CSMD1: variants seen among roughly 807,000 people sequenced by gnomAD.
CSMD1 encodes CUB and Sushi multiple domains 1, also known as CUB and sushi domain-containing protein 1.
A neutral mutation model predicts 417.5 loss-of-function variants in CSMD1; 213 were observed. The ratio of observed to expected loss-of-function variants is 0.51; its 90% CI spans 0.46 to 0.57. The LOEUF is 0.57. CSMD1 is among the 20% of genes least tolerant of loss of function. The probability of loss-of-function intolerance (pLI) is 0.00; values close to 1 mark genes in which losing one functional copy is unlikely to be tolerated. For missense variants in CSMD1, 6,923 were observed against 4,529.7 expected (o/e 1.53, Z -15.17); for synonymous variants, 2,862 against 1,736.8 (o/e 1.65, Z -16.11).
At chr8:3,921,957 A>G (rs931293275) in intron 5 of CSMD1, among the ~76,000 whole-genome samples, 7 of 152,136 alleles carry the variant, frequency 4.6e-5, no homozygotes, top group African/African-American at 1.7e-4. Flanking sequence ...TGTCTGGATG[A>G]CATGTCTATT....
At chr8:4,751,052 C>G (rs1039539275) in intron 1 of CSMD1, among the ~76,000 whole-genome samples, 1 of 152,154 alleles carries the variant, frequency 6.6e-6, no homozygotes, top group African/African-American at 2.4e-5. Context: ...GGAGGTTCCT[C>G]ACACCAGGTA....
intron 27 of CSMD1, among the ~76,000 whole-genome samples, chr8:3,227,765 T>A (rs563228323): frequency 6.6e-6 from 1 of 151,694 alleles, no homozygotes; most frequent in Non-Finnish European, 1.5e-5. Context: ...ATTTTAAAAC[T>A]TTTTTCTTTT....
At chr8:3,728,458 T>C (rs1802625653) in intron 6 of CSMD1, among the ~76,000 whole-genome samples, 1 of 152,216 alleles carries the variant, frequency 6.6e-6, no homozygotes, top group Admixed American at 6.5e-5. Flanking sequence ...GTAAATTCTG[T>C]GTTAGGTTTA....
At chr8:3,969,890 G>C (rs1283753154) in intron 5 of CSMD1, among the ~76,000 whole-genome samples, 3 of 152,024 alleles carry the variant, frequency 2.0e-5, no homozygotes, top group Non-Finnish European at 2.9e-5. Context: ...CAAAGCTCTG[G>C]ATAATTTGCA....
At chr8:3,192,954 C>A (rs1406461610) in intron 33 of CSMD1, among the ~76,000 whole-genome samples, 1 of 151,956 alleles carries the variant, frequency 6.6e-6, no homozygotes, top group East Asian at 1.9e-4. Context: ...AAAAAGATAT[C>A]CCATAGAGGC....
At chr8:3,460,628 G>C (rs534827909) in intron 12 of CSMD1, among the ~76,000 whole-genome samples, 19 of 152,108 alleles carry the variant, frequency 1.2e-4, no homozygotes, top group African/African-American at 3.6e-4. Flanking sequence ...AGGAGGGATG[G>C]GATAGAAGGA....
intron 1 of CSMD1, among the ~76,000 whole-genome samples, chr8:4,825,360 C>T (rs1204567829): frequency 6.6e-6 from 1 of 152,028 alleles, no homozygotes; most frequent in African/African-American, 2.4e-5. Flanking sequence ...GAACACTGAC[C>T]TTGAGATTTA....
rs544613487 is a variant in CSMD1 at position 4,024,888 on chromosome 8, G to A, written c.610+7017C>T. Among the ~76,000 whole-genome samples, 6 of 152,242 alleles carry A rather than the reference G, an allele frequency of 3.9e-5. No individual in the cohort carries two copies. In the East Asian group the frequency reaches 1.2e-3, roughly 29 times the overall value. On this transcript the variant is annotated intron_variant, in intron 4 of 69. Coordinates refer to ENST00000635120, the MANE Select transcript of CSMD1 (RefSeq NM_033225.6). ...TAAGTAAGGTTTGCTAAAACAAAGT[G>A]TTCCATCATAGAATAAATGAAAGCA... is the stretch of plus-strand genomic sequence containing the variant.
intron 5 of CSMD1, among the ~76,000 whole-genome samples, chr8:3,969,320 C>G (rs1032979322): frequency 2.6e-5 from 4 of 152,090 alleles, no homozygotes; most frequent in African/African-American, 9.7e-5. Context: ...GCTTCCCAGG[C>G]CCATGCTCTC....
intron 37 of CSMD1, among the ~76,000 whole-genome samples, chr8:3,166,583 C>G (rs117337783): frequency 6.6e-6 from 1 of 151,972 alleles, no homozygotes; most frequent in African/African-American, 2.4e-5. Context: ...ACAAGTCTGC[C>G]TTTCCTGAAG....
chr8:3,793,671 C>T (rs1294099207), intron 5 of CSMD1, among the ~76,000 whole-genome samples: 1 of 152,140 alleles, frequency 6.6e-6, no homozygotes, highest in Non-Finnish European at 1.5e-5. Context: ...CATTTGTAAA[C>T]CACTCATGAT....
At chr8:3,278,652 TCG>T (rs1491071738) in intron 26 of CSMD1, 1 of 87,720 alleles carries the variant, frequency 1.1e-5, no homozygotes, top group Non-Finnish European at 2.6e-5. Context: ...GTAAAGTTCC[TCG>T]TTTTTTTTTT....
chr8:3,911,806 C>G (rs887689913), intron 5 of CSMD1, among the ~76,000 whole-genome samples: 8 of 152,330 alleles, frequency 5.3e-5, no homozygotes, highest in African/African-American at 1.9e-4. Flanking sequence ...CTTGTAAATT[C>G]TGTCTAATTA....
At chr8:4,134,891 G>A (rs567769157) in intron 3 of CSMD1, among the ~76,000 whole-genome samples, 103 of 152,180 alleles carry the variant, frequency 6.8e-4, no homozygotes, top group Middle Eastern at 3.4e-3. Context: ...CAAATTGCTC[G>A]GAAGGCTTTC....
intron 4 of CSMD1, among the ~76,000 whole-genome samples, chr8:4,000,726 T>C (rs1173614460): frequency 6.6e-6 from 1 of 152,058 alleles, no homozygotes; most frequent in African/African-American, 2.4e-5. Flanking sequence ...ATAATTGTTT[T>C]TCATGTATAA....
chr8:4,361,902 G>A (rs902700788), intron 3 of CSMD1, among the ~76,000 whole-genome samples: 2 of 151,934 alleles, frequency 1.3e-5, no homozygotes, highest in African/African-American at 4.8e-5. Flanking sequence ...TTGCAGTGAG[G>A]CGAGTTCACT....
chr8:4,175,626 T>G (rs911298948), intron 3 of CSMD1, among the ~76,000 whole-genome samples: 1 of 152,144 alleles, frequency 6.6e-6, no homozygotes, highest in South Asian at 2.1e-4. Flanking sequence ...ACAGCATAAT[T>G]TGTGATGGCA....
intron 5 of CSMD1, among the ~76,000 whole-genome samples, chr8:3,950,627 G>A (rs1811538301): frequency 6.6e-6 from 1 of 152,194 alleles, no homozygotes; most frequent in African/African-American, 2.4e-5. Context: ...GCAGGAACGT[G>A]TTTGATCTTT....
chr8:3,586,026 G>A (rs751783104), intron 9 of CSMD1, 110 bp downstream of exon 9: 16 of 1,129,572 alleles, frequency 1.4e-5, no homozygotes, highest in Admixed American at 2.9e-5. Flanking sequence ...CATTACTACC[G>A]AATTCTACTC....
Sources: gnomAD v4.1 joint callset for allele counts (sites outside exome capture counted in the v4.1 genomes callset) on GRCh38, gnomAD v4.1.1 for gene constraint, MANE v1.5 for transcripts, NCBI Gene and HGNC (gene_info 2026-07-23, HGNC 2026-07-21) for gene names.